PLXNA3: variants seen among roughly 807,000 people sequenced by gnomAD.
PLXNA3 encodes plexin-A3.
Under a neutral mutation model 118.8 loss-of-function variants are expected in PLXNA3, and 52 were observed. That is an observed-to-expected ratio of 0.44 (90% CI 0.35 to 0.55). The LOEUF (loss-of-function observed/expected upper bound fraction) is 0.55, where lower values mean the gene tolerates loss of function less well. PLXNA3 is among the 20% of genes least tolerant of loss of function. The probability of loss-of-function intolerance (pLI) is 0.01; values close to 1 mark genes in which losing one functional copy is unlikely to be tolerated. For synonymous variants in PLXNA3, 925 were observed against 762.4 expected, an observed-to-expected ratio of 1.21 and a Z score of -3.51; for missense variants, 1,660 against 1,730.8, an observed-to-expected ratio of 0.96 and a Z score of 0.73.
At position 154,460,169 on chromosome X, in the gene PLXNA3, G is replaced by C; in HGVS notation, c.-15G>C. On this transcript the variant is annotated 5_prime_UTR_variant, in exon 2 of 33. Transcript: ENST00000369682. ...CGTCTCTCCCTAGGCCTGTCCCCAG[G>C]CGCGGCTGCCGGCCATGCCCTCTGT... The C allele has an allele frequency of 2.6e-6, 3 of 1,144,312 alleles. No homozygotes were observed. The highest frequency in any genetic ancestry group is 3.6e-6 in the Non-Finnish European group (3 of 839,793). The allele number at this position is 1,144,312 out of a possible 1,213,427, so 94.3% of individuals were successfully genotyped here. A position where few individuals can be genotyped will look rare whatever the true frequency, so the allele number is the denominator to read the frequency against.
In PLXNA3 at chrX:154,470,495, C is replaced by T. The variant is rs1377860464; in HGVS notation, c.5040C>T (p.Ala1680=). Residue 1680 remains alanine (A), a synonymous_variant, in exon 30 of 33, where the codon GCC becomes GCT. Transcript: ENST00000369682. ...DDLFETVFST[A]HRGSALPLAI... ...TCTTTGAGACAGTGTTCAGCACAGC[C>T]CACCGGGGCTCGGCCCTGCCCCTGG... 8.3e-7 allele frequency: 1 copy of T among 1,210,281 alleles called. No homozygotes were observed. Among genetic ancestry groups the T allele is most frequent in the Non-Finnish European group, 1.1e-6 (1 of 894,833 alleles).
chrX:154,461,373 G>A lies in PLXNA3; in HGVS notation c.869G>A (p.Arg290His), dbSNP rs199534433. ...IGCSWRGVEY[R>H]LVQSAHLAKP... ...TGCTCCTGGCGCGGCGTGGAGTACC[G>A]CTTGGTGCAGAGCGCCCACCTGGCC... Residue 290 changes from arginine to histidine, a missense_variant, in exon 3 of 33, where the codon CGC (arginine) becomes CAC (histidine). By Grantham distance (29) the Arg-to-His change is conservative. Transcript: ENST00000369682. The A allele has an allele frequency of 1.4e-4, 164 of 1,211,062 alleles. 2 individuals carry two copies. The East Asian group carries it at 1.9e-3, about 14-fold the overall frequency.
chrX:154,466,033 T>C lies in PLXNA3; in HGVS notation c.2631T>C (p.Ala877=). ...CCCGAGAGGTGGGCCTGCGGGTGGC[T>C]GGCGTGCGTTGCAACTCCATTCCGG... is the stretch of plus-strand genomic sequence containing the variant. ...LLSREVGLRV[A]GVRCNSIPAE... Residue 877 remains alanine, a synonymous_variant, in exon 14 of 33, where the codon GCT becomes GCC. Transcript: ENST00000369682. 1 of 1,209,953 alleles carries C rather than the reference T, an allele frequency of 8.3e-7. No individual in the cohort carries two copies. Among genetic ancestry groups the C allele is most frequent in the South Asian group, 1.8e-5 (1 of 56,726 alleles).
chrX:154,472,674 A>G lies in PLXNA3; in HGVS notation c.5605A>G (p.Ser1869Gly). Reference protein sequence around the residue: ...KLEQIISLVSSDS With the variant: ...KLEQIISLVSGDS The stretch of plus-strand genomic sequence containing the variant: ...GGAACAGATCATCAGCCTCGTGTCC[A>G]GCGACAGCTAAGGTGGTGGAATCGG... Residue 1869 changes from serine (S) to glycine (G), a missense_variant, in exon 33 of 33, where the codon AGC becomes GGC. Ser to Gly is a moderately conservative substitution (Grantham distance 56). Coordinates refer to ENST00000369682, the MANE Select transcript of PLXNA3 (RefSeq NM_017514.5). The G allele has an allele frequency of 2.5e-6, 3 of 1,192,395 alleles. No homozygotes were observed. Among genetic ancestry groups the G allele is most frequent in the East Asian group, 3.0e-5 (1 of 33,710 alleles).
At position 154,464,177 on chromosome X, in the gene PLXNA3, C is replaced by T. The variant is rs373213513; in HGVS notation, c.1692C>T (p.Asn564=). The T allele has an allele frequency of 2.7e-4, 329 of 1,208,561 alleles. No individual in the cohort carries two copies. Among genetic ancestry groups the T allele is most frequent in the Non-Finnish European group, 3.2e-4 (289 of 894,322 alleles). ...PGVQLTVTLH[N]VPDLSAGVSC... is the part of the protein sequence containing the mutation. ...CCCAGCTGACCGTCACCCTGCACAA[C>T]GTGCCAGACCTCAGTGCGGGCGTGA... The change falls in exon 8 of 33, where the codon AAC becomes AAT. Residue 564 remains asparagine (N), a synonymous_variant. Coordinates refer to ENST00000369682, the MANE Select transcript of PLXNA3 (RefSeq NM_017514.5).
rs781867963 is a variant in PLXNA3 at position 154,460,378 on chromosome X, C to T, written c.195C>T (p.Ala65=). Residue 65 remains alanine, a synonymous_variant, in exon 2 of 33, where the codon GCC becomes GCT. Coordinates refer to ENST00000369682, the MANE Select transcript of PLXNA3 (RefSeq NM_017514.5). ...KLAPNLTELR[A]HVTGPVEDNA... Reference sequence around the variant, plus strand: ...CCCCCAACCTGACTGAGCTGCGGGCCCATGTCACGGGGCCCGTCGAGGACA... The same window carrying T: ...CCCCCAACCTGACTGAGCTGCGGGCTCATGTCACGGGGCCCGTCGAGGACA... 4.1e-6 allele frequency: 5 copies of T among 1,209,794 alleles called. No homozygotes were observed. Among genetic ancestry groups the T allele is most frequent in the South Asian group, 1.8e-5 (1 of 56,811 alleles).
chrX:154,474,875 T>C lies in PLXNA3; in HGVS notation c.*2190T>C, dbSNP rs1202138848. On this transcript the variant is annotated 3_prime_UTR_variant, in exon 33 of 33. Coordinates refer to ENST00000369682, the MANE Select transcript of PLXNA3 (RefSeq NM_017514.5). ...CAAAATCAACTCACTGCAGCCTTGA[T>C]GTCCTGGGCTCAAGTGATCTTCCTG... 1 of 98,604 alleles carries C rather than the reference T, an allele frequency of 1.0e-5. No individual in the cohort carries two copies. Among genetic ancestry groups the C allele is most frequent in the Non-Finnish European group, 2.0e-5 (1 of 49,174 alleles). The allele number at this position is 98,604 out of a possible 1,213,427, so 8.1% of individuals were successfully genotyped here. A position where few individuals can be genotyped will look rare whatever the true frequency, so the allele number is the denominator to read the frequency against.
rs1456915576 is a variant in PLXNA3, at chrX:154,465,970, C to T, written c.2568C>T (p.Thr856=). The change falls in exon 14 of 33, where the codon ACC becomes ACT. Residue 856 remains threonine, a synonymous_variant. Coordinates refer to ENST00000369682, the MANE Select transcript of PLXNA3 (RefSeq NM_017514.5). ...HPLVGPKEGG[T]RVTIVGENLG... is the part of the protein sequence containing the mutation. ...TCGTGGGGCCCAAGGAAGGAGGCAC[C>T]CGGGTCACCATCGTGGGTGAGAACC... The T allele has an allele frequency of 1.3e-5, 16 of 1,210,246 alleles. No homozygotes were observed. The highest frequency in any genetic ancestry group is 2.3e-4 in the Middle Eastern group (1 of 4,374).
chrX:154,467,978 G>T lies in PLXNA3; in HGVS notation c.3797G>T (p.Arg1266Leu). ...CTGCAGATGGACAACCTGGAGTCCCGTGTGGCCCTGGAGTGCAAGGAAGGT... is the reference window on the plus strand; with the variant it reads ...CTGCAGATGGACAACCTGGAGTCCCTTGTGGCCCTGGAGTGCAAGGAAGGT... ...LQLQMDNLES[R>L]VALECKEAFA... Residue 1266 changes from arginine to leucine, a missense_variant, in exon 21 of 33, where the codon CGT (arginine) becomes CTT (leucine). Physicochemically the swap from Arg to Leu is moderately radical, Grantham distance 102. This residue lies in a region of PLXNA3 where 869 missense variants were observed against 1,078.7 expected (regional missense o/e 0.81). Coordinates refer to ENST00000369682, the MANE Select transcript of PLXNA3 (RefSeq NM_017514.5). The T allele has an allele frequency of 8.3e-7, 1 of 1,209,824 alleles. No individual in the cohort carries two copies. The highest frequency in any genetic ancestry group is 1.1e-6 in the Non-Finnish European group (1 of 894,127).
chrX:154,470,360 G>T, intron 29 of PLXNA3, 82 bp from the exon 30 acceptor site: 1 of 1,046,603 alleles, frequency 9.6e-7, no homozygotes, highest in African/African-American at 1.8e-5. Context: ...TCTTTGCCAA[G>T]CCTTTCTGCC....
chrX:154,461,340 C>T lies in PLXNA3; in HGVS notation c.836C>T (p.Pro279Leu). 2 of 1,212,280 alleles carry T rather than the reference C, an allele frequency of 1.6e-6. No individual in the cohort carries two copies. Among genetic ancestry groups the T allele is most frequent in the South Asian group, 1.8e-5 (1 of 57,077 alleles). Residue 279 changes from proline to leucine, a missense_variant, in exon 3 of 33, where the codon CCC (proline) becomes CTC (leucine). This residue lies in a region of PLXNA3 where 791 missense variants were observed against 652.1 expected (regional missense o/e 1.21). Transcript: ENST00000369682. ...DSEFYSYVEF[P>L]IGCSWRGVEY... ...GAGTTCTACTCATACGTGGAATTCC[C>T]CATCGGCTGCTCCTGGCGCGGCGTG...
rs1235329793 is a variant in PLXNA3, at chrX:154,476,028, CATG to C, written c.*3344_*3346del. 4 of 111,809 alleles carry C rather than the reference CATG, an allele frequency of 3.6e-5. No homozygotes were observed. The highest frequency in any genetic ancestry group is 1.3e-4 in the African/African-American group (4 of 30,725). The allele number at this position is 111,809 out of a possible 1,213,427, so 9.2% of individuals were successfully genotyped here. ...TACAAAAAATAAAAAACTAGCCAGG[CATG>C]GTGGTGCATGCCTGTGGTCCCAGTT... On this transcript the variant is annotated 3_prime_UTR_variant, in exon 33 of 33. Transcript: ENST00000369682.
At position 154,464,051 on chromosome X, in the gene PLXNA3, T is replaced by C; in HGVS notation, c.1648T>C (p.Ser550Pro). ...VQVRVRPNNV[S>P]VTSPGVQLTV... is the part of the protein sequence containing the mutation. ...GGTGCGGGTCCGGCCCAACAATGTG[T>C]CAGTGACGTCACCTGGGGTGCAGGT... Residue 550 changes from serine (S) to proline (P), a missense_variant, in exon 7 of 33, where the codon TCA becomes CCA. Physicochemically the swap from Ser to Pro is moderately conservative, Grantham distance 74. Around this residue, in one of 2 missense-constraint regions of PLXNA3, gnomAD observed 791 missense variants for 652.1 expected, o/e 1.21. Coordinates refer to ENST00000369682, the MANE Select transcript of PLXNA3 (RefSeq NM_017514.5). 1 of 1,210,573 alleles carries C rather than the reference T, an allele frequency of 8.3e-7. No individual in the cohort carries two copies. Among genetic ancestry groups the C allele is most frequent in the South Asian group, 1.8e-5 (1 of 56,870 alleles).
At position 154,475,764 on chromosome X, in the gene PLXNA3, A is replaced by G. The variant is rs1395014568; in HGVS notation, c.*3079A>G. On this transcript the variant is annotated 3_prime_UTR_variant, in exon 33 of 33. Coordinates refer to ENST00000369682, the MANE Select transcript of PLXNA3 (RefSeq NM_017514.5). ...TGGTTGAAAATACTACCATCATATG[A>G]TAATGACAACTAAGCCACAGGAAAA... 4 of 112,473 alleles carry G rather than the reference A, an allele frequency of 3.6e-5. No individual in the cohort carries two copies. The highest frequency in any genetic ancestry group is 1.3e-4 in the African/African-American group (4 of 30,957). The allele number at this position is 112,473 out of a possible 1,213,427, so 9.3% of individuals were successfully genotyped here. A position where few individuals can be genotyped will look rare whatever the true frequency, so the allele number is the denominator to read the frequency against.
chrX:154,464,531 C>A (rs2069042092), intron 9 of PLXNA3, 30 bp downstream of exon 9: 3 of 1,135,058 alleles, frequency 2.6e-6, no homozygotes, highest in Non-Finnish European at 1.2e-6. Context: ...CCGTCCCTAC[C>A]CCTGGGGATA....
chrX:154,472,721 C>T lies in PLXNA3; in HGVS notation c.*36C>T. The T allele has an allele frequency of 1.0e-6, 1 of 1,000,097 alleles. No individual in the cohort carries two copies. The highest frequency in any genetic ancestry group is 1.4e-6 in the Non-Finnish European group (1 of 703,875). The allele number at this position is 1,000,097 out of a possible 1,213,427, so 82.4% of individuals were successfully genotyped here. ...TCGGTGAGGAGGGGGCTTCTCAGTC[C>T]TGTGCCGTCCTCCCATCCAGGGGAG... is the stretch of plus-strand genomic sequence containing the variant. On this transcript the variant is annotated 3_prime_UTR_variant, in exon 33 of 33. Coordinates refer to ENST00000369682, the MANE Select transcript of PLXNA3 (RefSeq NM_017514.5).
In PLXNA3 at chrX:154,465,575, C is replaced by T. The variant is rs1039367077; in HGVS notation, c.2341+55C>T. The T allele has an allele frequency of 1.7e-5, 20 of 1,146,945 alleles. No individual in the cohort carries two copies. The East Asian group carries it at 3.3e-4, about 19-fold the overall frequency. 94.5% of individuals were successfully genotyped at this position (1,146,945 alleles called of 1,213,427 possible). A position where few individuals can be genotyped will look rare whatever the true frequency, so the allele number is the denominator to read the frequency against. Reference sequence around the variant, plus strand: ...CTAAGGCAATTGGCACTGCTGGGGTCGGGTCTGGGGGCCCTAGTGCTCCCC... The same window carrying T: ...CTAAGGCAATTGGCACTGCTGGGGTTGGGTCTGGGGGCCCTAGTGCTCCCC... On this transcript the variant is annotated intron_variant, in intron 12 of 32. Transcript: ENST00000369682.
At chrX:154,458,966 C>G (rs1206583965) in intron 1 of PLXNA3, among the ~76,000 whole-genome samples, 1 of 110,010 alleles carries the variant, frequency 9.1e-6, no homozygotes, top group African/African-American at 3.3e-5. Context: ...AGGATGTGGC[C>G]TCTCTTTTCT....
At chrX:154,462,438 T>G in intron 4 of PLXNA3, 128 bp downstream of exon 4, 2 of 516,268 alleles carry the variant, frequency 3.9e-6, no homozygotes, top group Non-Finnish European at 5.6e-6. Flanking sequence ...GGGAGGGAGA[T>G]TTCCCTGGCT....
Sources: gnomAD v4.1 joint callset for allele counts (sites outside exome capture counted in the v4.1 genomes callset) on GRCh38, gnomAD v4.1.1 for gene constraint, gnomAD v4.1.1 regional missense constraint, MANE v1.5 for transcripts, NCBI Gene and HGNC (gene_info 2026-07-23, HGNC 2026-07-21) for gene names.